Variants in TBL1X observed in about 807,000 individuals in gnomAD.
TBL1X encodes the protein transducin beta like 1 X-linked.
A neutral mutation model predicts 50.7 loss-of-function variants in TBL1X; 10 were observed. The observed-to-expected ratio is 0.20, with a 90% CI of 0.12 to 0.33. The LOEUF is 0.33. Ranked by LOEUF, TBL1X falls within the 10% of genes least tolerant of loss-of-function variation. The pLI, the probability that TBL1X is intolerant of heterozygous loss-of-function variation, is 1.00. For missense variants in TBL1X, 340 were observed against 504.4 expected (o/e 0.67, Z 3.12); for synonymous variants, 190 against 214.7 (o/e 0.88, Z 1.01).
chrX:9,610,793 G>T (rs745379601), intron 2 of TBL1X, among the ~76,000 whole-genome samples: 74 of 112,399 alleles, frequency 6.6e-4, no homozygotes, highest in African/African-American at 2.4e-3. Flanking sequence ...AGAGGGAAAA[G>T]ATTCAGAAAT....
chrX:9,531,757 C>T (rs1331694636), intron 2 of TBL1X, among the ~76,000 whole-genome samples: 1 of 107,934 alleles, frequency 9.3e-6, no homozygotes. Flanking sequence ...TTTTGAGACA[C>T]GGTCTCATTC....
At chrX:9,545,502 G>A (rs1278127618) in intron 2 of TBL1X, among the ~76,000 whole-genome samples, 4 of 107,226 alleles carry the variant, frequency 3.7e-5, no homozygotes, top group African/African-American at 1.4e-4. Flanking sequence ...CCTTGATTGC[G>A]CCACTGCACT....
intron 9 of TBL1X, among the ~76,000 whole-genome samples, chrX:9,692,592 G>C (rs1207294472): frequency 8.9e-6 from 1 of 112,214 alleles, no homozygotes; most frequent in African/African-American, 3.2e-5. Context: ...ATTTTTAGTA[G>C]AGATGGGGTT....
intron 1 of TBL1X, among the ~76,000 whole-genome samples, chrX:9,492,700 T>A (rs933744605): frequency 7.2e-5 from 8 of 110,969 alleles, no homozygotes; most frequent in African/African-American, 2.6e-4. Flanking sequence ...AGAGGCAACA[T>A]AAGAAGGAAT....
At chrX:9,635,786 A>T (rs1188163968) in intron 2 of TBL1X, among the ~76,000 whole-genome samples, 5 of 111,719 alleles carry the variant, frequency 4.5e-5, no homozygotes, top group African/African-American at 1.6e-4. Flanking sequence ...TGCACCTTTC[A>T]TTCCTGGGTA....
intron 2 of TBL1X, among the ~76,000 whole-genome samples, chrX:9,551,365 G>A (rs2082270362): frequency 9.0e-6 from 1 of 110,678 alleles, no homozygotes; most frequent in Admixed American, 9.6e-5. Context: ...GTGAGGCGGC[G>A]AACACGTTCT....
At chrX:9,598,021 C>T (rs772642383) in intron 2 of TBL1X, among the ~76,000 whole-genome samples, 70 of 111,935 alleles carry the variant, frequency 6.3e-4, no homozygotes, top group Non-Finnish European at 1.2e-3. Context: ...GAGGTGGGAT[C>T]TTAACCGAGT....
chrX:9,595,525 C>T (rs1368787018), intron 2 of TBL1X, among the ~76,000 whole-genome samples: 1 of 112,052 alleles, frequency 8.9e-6, no homozygotes, highest in Non-Finnish European at 1.9e-5. Context: ...ATAATTCCCT[C>T]CTGAGTCGGC....
intron 2 of TBL1X, chrX:9,639,958 C>T (rs2082766865): frequency 6.2e-5 from 7 of 112,087 alleles, no homozygotes; most frequent in Admixed American, 5.7e-4. Context: ...TAATTTAAAT[C>T]TTTAAATTAT....
intron 2 of TBL1X, among the ~76,000 whole-genome samples, chrX:9,509,482 CTTT>C (rs63110360): frequency 3.1e-5 from 2 of 63,547 alleles, no homozygotes; most frequent in Admixed American, 2.5e-4. Flanking sequence ...TACAGAATCG[CTTT>C]TTTTTTTTTT....
intron 12 of TBL1X, among the ~76,000 whole-genome samples, chrX:9,702,836 T>TG (rs1014839774): frequency 9.0e-6 from 1 of 111,253 alleles, no homozygotes; most frequent in African/African-American, 3.3e-5. Flanking sequence ...TGGGCACACT[T>TG]GTAGAGTTGC....
intron 2 of TBL1X, among the ~76,000 whole-genome samples, chrX:9,581,946 C>T (rs1200147002): frequency 8.9e-6 from 1 of 111,981 alleles, no homozygotes; most frequent in African/African-American, 3.2e-5. Flanking sequence ...CTCAGGCTGC[C>T]CCTTTTATTC....
intron 2 of TBL1X, among the ~76,000 whole-genome samples, chrX:9,627,973 T>A (rs143385474): frequency 0.017 from 1,863 of 112,456 alleles, 19 homozygotes; most frequent in South Asian, 0.03. Context: ...GTTACTGTAT[T>A]TAGAAGATGC....
intron 2 of TBL1X, among the ~76,000 whole-genome samples, chrX:9,534,414 C>T (rs1819647826): frequency 9.0e-6 from 1 of 110,797 alleles, no homozygotes; most frequent in Admixed American, 9.6e-5. Flanking sequence ...CATTTGTTTT[C>T]GTGCTCATCG....
chrX:9,499,019 A>G (rs925177451), intron 1 of TBL1X, among the ~76,000 whole-genome samples: 3 of 111,790 alleles, frequency 2.7e-5, no homozygotes, highest in African/African-American at 9.8e-5. Flanking sequence ...TCCTTGATTC[A>G]GAGAGCAGTG....
Position 9,694,604 on chromosome X carries a change from A to C in TBL1X, c.1053+1185A>C, listed in dbSNP as rs937824117. ...GAAGAAGAGTGAGACTCTGTCTCAA[A>C]ACAAAACAAGACAAAACAATACAAA... On this transcript the variant is annotated intron_variant, in intron 11 of 17. Coordinates refer to ENST00000645353, the MANE Select transcript of TBL1X (RefSeq NM_005647.4). 3.6e-5 allele frequency among the ~76,000 whole-genome samples: 4 copies of C among 111,653 alleles called. No homozygotes were observed. The Admixed American group carries it at 3.8e-4, about 11-fold the overall frequency.
At chrX:9,523,972 T>C (rs1331337677) in intron 2 of TBL1X, among the ~76,000 whole-genome samples, 1 of 87,826 alleles carries the variant, frequency 1.1e-5, no homozygotes, top group African/African-American at 4.4e-5. Context: ...TTTTTTTTTT[T>C]TTTTTTTTTT....
At position 9,529,945 on chromosome X, in the gene TBL1X, AAGAG is replaced by A. The variant is rs776668990; in HGVS notation, c.-131+28102_-131+28105del. 3.8e-3 allele frequency among the ~76,000 whole-genome samples: 417 copies of A among 110,699 alleles called. 1 individual carries two copies. The highest frequency in any genetic ancestry group is 0.014 in the Middle Eastern group (3 of 216). ...AGCAAGACCCTGTCTCAAAGAAAGA[AAGAG>A]AGAGATAGAAAGAGAGAAAGAAACC... On this transcript the variant is annotated intron_variant, in intron 2 of 17. Coordinates refer to ENST00000645353, the MANE Select transcript of TBL1X (RefSeq NM_005647.4).
chrX:9,582,460 A>G (rs1006383227), intron 2 of TBL1X, among the ~76,000 whole-genome samples: 1 of 112,583 alleles, frequency 8.9e-6, no homozygotes, highest in African/African-American at 3.2e-5. Flanking sequence ...CCTTATTTTT[A>G]CTTTTATCCA....
Sources: gnomAD v4.1 joint callset for allele counts (sites outside exome capture counted in the v4.1 genomes callset) on GRCh38, gnomAD v4.1.1 for gene constraint, MANE v1.5 for transcripts, NCBI Gene and HGNC (gene_info 2026-07-23, HGNC 2026-07-21) for gene names.